Variants in RBBP8 observed in about 807,000 individuals in gnomAD.
The protein encoded by RBBP8 is DNA endonuclease RBBP8.
A neutral mutation model predicts 108.3 loss-of-function variants in RBBP8; 88 were observed. That is an observed-to-expected ratio of 0.81 (90% CI 0.68 to 0.97). RBBP8 has a LOEUF of 0.97. Among genes scored for constraint, RBBP8 ranks in the 50% least tolerant of loss-of-function variants. The probability of loss-of-function intolerance (pLI) is 0.00; values close to 1 mark genes in which losing one functional copy is unlikely to be tolerated. For synonymous variants in RBBP8, 332 were observed against 348.2 expected (o/e 0.95, Z 0.52); for missense variants, 1,023 against 1,049.0 (o/e 0.98, Z 0.34).
chr18:22,956,459 C>G (rs1204089302), intron 4 of RBBP8, among the ~76,000 whole-genome samples: 3 of 152,126 alleles, frequency 2.0e-5, no homozygotes, highest in Admixed American at 6.5e-5. Flanking sequence ...ATCAGCCCCC[C>G]CAGGTAGCTA....
At chr18:22,990,872 T>C in intron 9 of RBBP8, 65 bp from the exon 10 acceptor site, 1 of 1,234,420 alleles carries the variant, frequency 8.1e-7, no homozygotes, top group South Asian at 1.2e-5. Flanking sequence ...ATATCAGTAC[T>C]TCATCCCTTT....
chr18:22,938,343 A>G lies in RBBP8; in HGVS notation c.109+1383A>G, dbSNP rs139168042. Among the ~76,000 whole-genome samples, 1,054 of 151,470 alleles carry G rather than the reference A, an allele frequency of 7.0e-3. 5 individuals are homozygous for G. The highest frequency in any genetic ancestry group is 0.038 in the Middle Eastern group (11 of 286). ...TTTTAAACTTATCCTTCACCTTAGA[A>G]CACCTAGCTAGTTTTTGTATTTTTT... is the stretch of plus-strand genomic sequence containing the variant. On this transcript the variant is annotated intron_variant, in intron 2 of 18. Transcript: ENST00000327155.
Position 22,927,234 on chromosome 18 carries a change from T to C in RBBP8, c.-153-2149T>C, listed in dbSNP as rs541368643. On this transcript the variant is annotated intron_variant, in intron 3 of 4. Transcript: ENST00000577588. ...CAGTATTGTGTGTTCATGTCAGAGA[T>C]ACTAGAGAGTTTTAGATAAATAATC... Among the ~76,000 whole-genome samples, 6 of 152,368 alleles carry C rather than the reference T, an allele frequency of 3.9e-5. No homozygotes were observed. The South Asian group carries it at 1.0e-3, about 26-fold the overall frequency.
At chr18:22,972,033 G>T (rs1914133980) in intron 5 of RBBP8, among the ~76,000 whole-genome samples, 1 of 151,508 alleles carries the variant, frequency 6.6e-6, no homozygotes, top group Non-Finnish European at 1.5e-5. Context: ...TGTTCATTCA[G>T]TTTTTCTGCC....
intron 16 of RBBP8, among the ~76,000 whole-genome samples, chr18:23,009,068 C>T (rs1274411882): frequency 6.6e-6 from 1 of 151,994 alleles, no homozygotes; most frequent in Non-Finnish European, 1.5e-5. Flanking sequence ...CCACCTCACC[C>T]GGCCATATCA....
At chr18:22,922,505 C>G (rs1909631837) in intron 3 of RBBP8, among the ~76,000 whole-genome samples, 1 of 152,116 alleles carries the variant, frequency 6.6e-6, no homozygotes, top group Non-Finnish European at 1.5e-5. Flanking sequence ...CTCTGTCACC[C>G]AGGCTGGAGT....
intron 10 of RBBP8, among the ~76,000 whole-genome samples, 186 bp downstream of exon 10, chr18:22,991,235 A>G (rs1325007549): frequency 6.6e-6 from 1 of 152,174 alleles, no homozygotes; most frequent in Non-Finnish European, 1.5e-5. Context: ...ATTACAGTAG[A>G]AAGGTGGATA....
chr18:22,962,536 G>A (rs567972469), intron 4 of RBBP8, among the ~76,000 whole-genome samples: 3 of 151,900 alleles, frequency 2.0e-5, no homozygotes, highest in Admixed American at 1.3e-4. Flanking sequence ...CCCAAAGCAC[G>A]TATCACCTTG....
chr18:22,989,515 G>A (rs2089581400), intron 9 of RBBP8, among the ~76,000 whole-genome samples, 197 bp downstream of exon 9: 2 of 152,080 alleles, frequency 1.3e-5, no homozygotes. Flanking sequence ...AGAATTCTTG[G>A]GATATGGGTT....
intron 3 of RBBP8, among the ~76,000 whole-genome samples, chr18:22,927,128 C>A (rs1339753907): frequency 6.6e-6 from 1 of 152,192 alleles, no homozygotes; most frequent in Non-Finnish European, 1.5e-5. Context: ...CTTAAAGTTT[C>A]TTTCCCTCAC....
At chr18:22,936,136 C>A (rs1328742616) in intron 1 of RBBP8, among the ~76,000 whole-genome samples, 1 of 152,030 alleles carries the variant, frequency 6.6e-6, no homozygotes, top group Non-Finnish European at 1.5e-5. Flanking sequence ...GACAGGGTCT[C>A]TGTCGCTCAG....
chr18:22,951,009 A>G (rs952015167), intron 4 of RBBP8, among the ~76,000 whole-genome samples: 1 of 152,244 alleles, frequency 6.6e-6, no homozygotes, highest in Non-Finnish European at 1.5e-5. Context: ...TATTCTTCAT[A>G]TGTGCAAACT....
At chr18:23,015,891 G>A (rs780548106) in intron 16 of RBBP8, among the ~76,000 whole-genome samples, 21 of 151,922 alleles carry the variant, frequency 1.4e-4, no homozygotes, top group Non-Finnish European at 2.6e-4. Flanking sequence ...GTATGTTGCC[G>A]CCAGCTTGTT....
At chr18:22,985,457 G>T (rs1404201791) in intron 8 of RBBP8, among the ~76,000 whole-genome samples, 1 of 152,156 alleles carries the variant, frequency 6.6e-6, no homozygotes, top group African/African-American at 2.4e-5. Context: ...AGTGAGTCAC[G>T]TGGCTATCTG....
chr18:22,971,229 C>T (rs1914055789), intron 5 of RBBP8, among the ~76,000 whole-genome samples: 1 of 152,134 alleles, frequency 6.6e-6, no homozygotes, highest in East Asian at 1.9e-4. Context: ...CCCCGACCCT[C>T]CCACTCACTC....
intron 1 of RBBP8, among the ~76,000 whole-genome samples, chr18:22,936,134 C>G (rs1302786408): frequency 6.6e-6 from 1 of 152,032 alleles, no homozygotes. Context: ...GAGACAGGGT[C>G]TCTGTCGCTC....
At chr18:22,967,019 C>T (rs1040659368) in intron 4 of RBBP8, among the ~76,000 whole-genome samples, 4 of 152,108 alleles carry the variant, frequency 2.6e-5, no homozygotes, top group African/African-American at 9.7e-5. Context: ...AGCCACCATG[C>T]TCTGCCAACA....
chr18:23,021,660 G>A (rs907011095), intron 17 of RBBP8, among the ~76,000 whole-genome samples: 6 of 152,090 alleles, frequency 3.9e-5, no homozygotes, highest in Non-Finnish European at 5.9e-5. Context: ...TTTTAAAGCC[G>A]TAGAGATAAG....
At chr18:23,008,769 A>ATTTTTTTTTTTTTTTT (rs71161355) in intron 16 of RBBP8, among the ~76,000 whole-genome samples, 1 of 100,026 alleles carries the variant, frequency 1.0e-5, no homozygotes, top group East Asian at 3.0e-4. Flanking sequence ...TATGACTTTG[A>ATTTTTTTTTTTTTTTT]TTTTTTTTTT....
Sources: allele counts gnomAD v4.1 joint callset (sites outside exome capture counted in the v4.1 genomes callset), GRCh38; gene constraint gnomAD v4.1.1; transcripts MANE v1.5; gene names NCBI Gene and HGNC (gene_info 2026-07-23, HGNC 2026-07-21).